TMEM272: variants seen among roughly 807,000 people sequenced by gnomAD.
TMEM272 encodes the protein transmembrane protein 272.
Under a neutral mutation model 3.7 loss-of-function variants are expected in TMEM272, and 8 were observed. The ratio of observed to expected loss-of-function variants is 2.17; its 90% CI spans 1.27 to 3.91. The LOEUF is 3.91. TMEM272 is among the 30% of genes most tolerant of loss of function. The probability of loss-of-function intolerance (pLI) is 0.00; values close to 1 mark genes in which losing one functional copy is unlikely to be tolerated. For missense variants in TMEM272, 166 were observed against 91.5 expected (o/e 1.81, Z -3.32); for synonymous variants, 63 against 39.8 (o/e 1.58, Z -2.20).
At chr13:51,888,639 C>CTTTTTTTTTTTTTT in the TMEM272 span, among the ~76,000 whole-genome samples, 47 of 76,800 alleles carry the variant, frequency 6.1e-4, 1 homozygote, top group South Asian at 1.7e-3. Flanking sequence ...TTTTCTTTTT[C>CTTTTTTTTTTTTTT]TTTTTTTTTT....
chr13:51,866,894 G>A, the TMEM272 span, among the ~76,000 whole-genome samples: 1 of 152,100 alleles, frequency 6.6e-6, no homozygotes. Context: ...TCTTTTTGGG[G>A]GGCTTCCTGC....
At chr13:51,846,525 T>TGAC (rs10678012), upstream of TMEM272, among the ~76,000 whole-genome samples, 148,160 of 152,312 alleles carry the variant, frequency 0.97, 72,072 homozygotes, top group East Asian at 1. Flanking sequence ...CTTTATGTAT[T>TGAC]TATACTATAC....
At chr13:51,839,885 T>A (rs932911) in intron 1 of TMEM272, among the ~76,000 whole-genome samples, 4 of 152,094 alleles carry the variant, frequency 2.6e-5, no homozygotes, top group Non-Finnish European at 2.9e-5. Context: ...GGTTCTTATT[T>A]CCCATCACTG....
chr13:51,872,363 G>A, the TMEM272 span, among the ~76,000 whole-genome samples: 2 of 151,520 alleles, frequency 1.3e-5, no homozygotes, highest in African/African-American at 4.8e-5. Flanking sequence ...CTAAGAAGAT[G>A]AGCAAAAAGA....
At chr13:51,889,883 C>T in the TMEM272 span, among the ~76,000 whole-genome samples, 29 of 152,126 alleles carry the variant, frequency 1.9e-4, no homozygotes, top group Non-Finnish European at 2.9e-4. Context: ...TCAGGTGATC[C>T]GCCCACCTCG....
At chr13:51,923,908 T>C in the TMEM272 span, among the ~76,000 whole-genome samples, 1 of 152,164 alleles carries the variant, frequency 6.6e-6, no homozygotes, top group East Asian at 1.9e-4. Flanking sequence ...CAGGCAGCAG[T>C]TTGGTCCTAT....
chr13:51,852,020 T>C, the TMEM272 span, among the ~76,000 whole-genome samples: 294 of 152,354 alleles, frequency 1.9e-3, no homozygotes, highest in Non-Finnish European at 2.9e-3. Flanking sequence ...AGACATGGAA[T>C]TGCTGGGTGA....
At chr13:51,871,761 C>G in the TMEM272 span, among the ~76,000 whole-genome samples, 1 of 147,118 alleles carries the variant, frequency 6.8e-6, no homozygotes, top group Admixed American at 6.8e-5. Flanking sequence ...ATTTGTTATG[C>G]AAAAATAGAT....
chr13:51,875,653 G>C, the TMEM272 span, among the ~76,000 whole-genome samples: 1 of 152,150 alleles, frequency 6.6e-6, no homozygotes, highest in African/African-American at 2.4e-5. Flanking sequence ...TCTTCACCTG[G>C]TTTGGGGTGA....
At chr13:51,891,693 G>A in the TMEM272 span, among the ~76,000 whole-genome samples, 1 of 152,162 alleles carries the variant, frequency 6.6e-6, no homozygotes, top group South Asian at 2.1e-4. Context: ...GTGGGTTGCA[G>A]GAGAGGGACA....
At chr13:51,838,592 A>C in intron 1 of TMEM272, 39 bp from the exon 2 acceptor site, 1 of 703,014 alleles carries the variant, frequency 1.4e-6, no homozygotes, top group South Asian at 1.5e-5. Context: ...GGATGGTGGA[A>C]GGATTTACTC....
At chr13:51,868,629 G>A in the TMEM272 span, among the ~76,000 whole-genome samples, 79 of 152,340 alleles carry the variant, frequency 5.2e-4, no homozygotes, top group African/African-American at 1.4e-3. Context: ...GCCAGCACCT[G>A]TGACAGCAAG....
the TMEM272 span, chr13:51,909,372 A>T: frequency 1.1e-6 from 1 of 869,856 alleles, no homozygotes; most frequent in Non-Finnish European, 1.9e-6. Flanking sequence ...ATGGCTGATC[A>T]TTTCGTCTAC....
At chr13:51,870,277 A>G in the TMEM272 span, among the ~76,000 whole-genome samples, 1 of 152,214 alleles carries the variant, frequency 6.6e-6, no homozygotes, top group Non-Finnish European at 1.5e-5. Flanking sequence ...GTGACTATCT[A>G]TTTAACCAGA....
chr13:51,835,227 T>C (rs79181531), intron 2 of TMEM272, among the ~76,000 whole-genome samples: 2,403 of 130,472 alleles, frequency 0.018, 59 homozygotes, highest in African/African-American at 0.07. Flanking sequence ...TTATTTTCTT[T>C]CTTTTTTTTT....
At chr13:51,818,186 G>A (rs575924165) in intron 4 of TMEM272, among the ~76,000 whole-genome samples, 46 of 152,298 alleles carry the variant, frequency 3.0e-4, no homozygotes, top group African/African-American at 8.9e-4. Context: ...GGATGTGGCC[G>A]ACTGGCAGAG....
At chr13:51,922,602 T>C in the TMEM272 span, among the ~76,000 whole-genome samples, 237 of 152,280 alleles carry the variant, frequency 1.6e-3, no homozygotes, top group African/African-American at 5.2e-3. Context: ...TCACTTCCTG[T>C]TGCAGCTGTA....
At chr13:51,851,397 G>GGAAGAA in the TMEM272 span, among the ~76,000 whole-genome samples, 18 of 141,568 alleles carry the variant, frequency 1.3e-4, no homozygotes, top group Non-Finnish European at 2.4e-4. Context: ...AGGAGGAGGA[G>GGAAGAA]GAAGAAGAAG....
At chr13:51,853,855 G>A in the TMEM272 span, among the ~76,000 whole-genome samples, 1 of 152,088 alleles carries the variant, frequency 6.6e-6, no homozygotes, top group Non-Finnish European at 1.5e-5. Flanking sequence ...ACCCCAAAAT[G>A]TTCATACTGG....
Sources: allele counts gnomAD v4.1 joint callset (sites outside exome capture counted in the v4.1 genomes callset), GRCh38; gene constraint gnomAD v4.1.1; transcripts MANE v1.5; gene names NCBI Gene and HGNC (gene_info 2026-07-23, HGNC 2026-07-21).